WWOX: variants seen among roughly 807,000 people sequenced by gnomAD.
The protein encoded by WWOX is WW domain containing oxidoreductase.
Under a neutral mutation model 46.2 loss-of-function variants are expected in WWOX, and 69 were observed. That is an observed-to-expected ratio of 1.49 (90% confidence interval 1.23 to 1.82). WWOX has a LOEUF of 1.82. WWOX is among the 40% of genes most tolerant of loss of function. The pLI is 0.00. For synonymous variants in WWOX, 359 were observed against 202.6 expected, an observed-to-expected ratio of 1.77 and a Z score of -6.56; for missense variants, 919 against 542.6, an observed-to-expected ratio of 1.69 and a Z score of -6.89.
intron 8 of WWOX, among the ~76,000 whole-genome samples, chr16:78,514,517 G>T (rs781065109): frequency 1.3e-5 from 2 of 152,138 alleles, no homozygotes; most frequent in Non-Finnish European, 2.9e-5. Flanking sequence ...TGCGGCCCTG[G>T]TACACTTAGA....
chr16:78,257,340 A>G (rs1215556427), intron 5 of WWOX, among the ~76,000 whole-genome samples: 2 of 152,104 alleles, frequency 1.3e-5, no homozygotes, highest in Non-Finnish European at 2.9e-5. Flanking sequence ...AATATTTGCA[A>G]CCTGTAGAGC....
chr16:78,111,558 A>G (rs1002106628), intron 3 of WWOX, among the ~76,000 whole-genome samples: 4 of 152,106 alleles, frequency 2.6e-5, no homozygotes, highest in Non-Finnish European at 5.9e-5. Context: ...TACTTAGCAG[A>G]CCGCGAAAGG....
At chr16:78,878,693 A>G (rs749341787) in intron 8 of WWOX, among the ~76,000 whole-genome samples, 124 of 152,070 alleles carry the variant, frequency 8.2e-4, no homozygotes, top group Non-Finnish European at 1.6e-3. Flanking sequence ...TTTCCTTTAT[A>G]GACCCCTTTC....
At chr16:78,866,366 T>G (rs2044003766) in intron 8 of WWOX, among the ~76,000 whole-genome samples, 3 of 152,140 alleles carry the variant, frequency 2.0e-5, no homozygotes, top group South Asian at 4.2e-4. Flanking sequence ...TTGCAATAAT[T>G]GTGACTCCCT....
In WWOX at chr16:78,260,204, G is replaced by C. The variant is rs568392276; in HGVS notation, c.516+95915G>C. ...TGTGGGAGGGACCCAGGTGAACAGG[G>C]TCTGGAGTAGACCCCCAGCAAACTA... On this transcript the variant is annotated intron_variant, in intron 5 of 8. Coordinates refer to ENST00000566780, the MANE Select transcript of WWOX (RefSeq NM_016373.4). Among the ~76,000 whole-genome samples, 22 of 151,416 alleles carry C rather than the reference G, an allele frequency of 1.5e-4. 1 individual carries two copies. Among genetic ancestry groups the C allele is most frequent in the Admixed American group, 4.6e-4 (7 of 15,198 alleles).
At chr16:78,387,098 C>T (rs1292034243) in intron 6 of WWOX, 150 bp downstream of exon 6, 11 of 762,146 alleles carry the variant, frequency 1.4e-5, no homozygotes, top group African/African-American at 3.4e-5. Flanking sequence ...TAAGGTGAAC[C>T]GTATTTTCTT....
At chr16:78,262,279 T>A (rs1179217183) in intron 5 of WWOX, among the ~76,000 whole-genome samples, 1 of 151,160 alleles carries the variant, frequency 6.6e-6, no homozygotes, top group East Asian at 1.9e-4. Flanking sequence ...GTATCTCTGT[T>A]AGATAGAGAG....
intron 8 of WWOX, among the ~76,000 whole-genome samples, chr16:78,613,983 G>A (rs2045960136): frequency 6.6e-6 from 1 of 152,176 alleles, no homozygotes; most frequent in South Asian, 2.1e-4. Flanking sequence ...AGCTACGTTG[G>A]CAGAGCTCAG....
intron 8 of WWOX, among the ~76,000 whole-genome samples, chr16:78,969,916 G>C (rs1055196041): frequency 6.6e-6 from 1 of 152,140 alleles, no homozygotes; most frequent in African/African-American, 2.4e-5. Context: ...TAAAAATGTT[G>C]TAAAGTTGAT....
At chr16:78,565,757 A>G (rs572195635) in intron 8 of WWOX, among the ~76,000 whole-genome samples, 39 of 152,304 alleles carry the variant, frequency 2.6e-4, no homozygotes, top group African/African-American at 7.0e-4. Flanking sequence ...AGGGATAACA[A>G]TATCCTCCAG....
At position 78,405,239 on chromosome 16, in the gene WWOX, G is replaced by C. The variant is rs531752434; in HGVS notation, c.605+18291G>C. 2.6e-5 allele frequency among the ~76,000 whole-genome samples: 4 copies of C among 152,296 alleles called. No homozygotes were observed. The East Asian group carries it at 5.8e-4, about 22-fold the overall frequency. ...ATGGTGCATGAAATGAAAAATTCCT[G>C]GTGGTCTCCAGGGGACACAGCCGGT... On this transcript the variant is annotated intron_variant, in intron 6 of 8. Coordinates refer to ENST00000566780, the MANE Select transcript of WWOX (RefSeq NM_016373.4).
chr16:78,990,234 C>G (rs1253377416), intron 8 of WWOX, among the ~76,000 whole-genome samples: 2 of 151,206 alleles, frequency 1.3e-5, no homozygotes, highest in African/African-American at 4.9e-5. Context: ...TGATCAGCAT[C>G]TCAGATTAAG....
intron 8 of WWOX, among the ~76,000 whole-genome samples, chr16:79,080,225 G>C (rs896176225): frequency 1.3e-5 from 2 of 152,176 alleles, no homozygotes; most frequent in African/African-American, 4.8e-5. Flanking sequence ...AGCCTTGGGA[G>C]GGGTGACACT....
chr16:78,170,002 G>C (rs2035102593), intron 5 of WWOX, among the ~76,000 whole-genome samples: 1 of 152,174 alleles, frequency 6.6e-6, no homozygotes, highest in Admixed American at 6.5e-5. Context: ...GTCAGAGAGG[G>C]CTGGTATGGG....
chr16:78,240,728 A>G (rs2037615577), intron 5 of WWOX, among the ~76,000 whole-genome samples: 1 of 152,258 alleles, frequency 6.6e-6, no homozygotes, highest in Admixed American at 6.5e-5. Context: ...TTGCTTACTC[A>G]TAAGCAAATA....
At chr16:79,199,413 C>G (rs2051303536) in intron 8 of WWOX, among the ~76,000 whole-genome samples, 1 of 152,170 alleles carries the variant, frequency 6.6e-6, no homozygotes, top group Admixed American at 6.5e-5. Context: ...CCTAAAGGAT[C>G]TATCATGCGT....
intron 8 of WWOX, among the ~76,000 whole-genome samples, chr16:78,705,542 T>A (rs2048311519): frequency 6.6e-6 from 1 of 152,222 alleles, no homozygotes; most frequent in Non-Finnish European, 1.5e-5. Flanking sequence ...GTGCTGGCTC[T>A]GCTCTTAGCC....
At chr16:78,984,195 C>T (rs1210941512) in intron 8 of WWOX, among the ~76,000 whole-genome samples, 1 of 151,956 alleles carries the variant, frequency 6.6e-6, no homozygotes, top group East Asian at 1.9e-4. Flanking sequence ...TATTCTTTGT[C>T]TTTTATTTGC....
At chr16:78,818,290 A>C (rs142357085) in intron 8 of WWOX, among the ~76,000 whole-genome samples, 20 of 152,296 alleles carry the variant, frequency 1.3e-4, no homozygotes, top group East Asian at 7.7e-4. Context: ...AGTGTGGACA[A>C]GTTCCAGCTC....
Sources: gnomAD v4.1 joint callset for allele counts (sites outside exome capture counted in the v4.1 genomes callset) on GRCh38, gnomAD v4.1.1 for gene constraint, MANE v1.5 for transcripts, NCBI Gene and HGNC (gene_info 2026-07-23, HGNC 2026-07-21) for gene names.